The following DPP6 variants were observed in gnomAD, a reference collection of about 807,000 sequenced individuals.
The protein encoded by DPP6 is A-type potassium channel modulatory protein DPP6.
Under a neutral mutation model 122.6 loss-of-function variants are expected in DPP6, and 69 were observed. The ratio of observed to expected loss-of-function variants is 0.56; its 90% CI spans 0.46 to 0.69. The LOEUF (loss-of-function observed/expected upper bound fraction) is 0.69, where lower values mean the gene tolerates loss of function less well. Ranked by LOEUF, DPP6 falls within the 30% of genes least tolerant of loss-of-function variation. The probability of loss-of-function intolerance (pLI) is 0.00; values close to 1 mark genes in which losing one functional copy is unlikely to be tolerated. For synonymous variants in DPP6, 418 were observed against 433.1 expected (o/e 0.97, Z 0.43); for missense variants, 928 against 1,116.9 (o/e 0.83, Z 2.41).
At chr7:154,888,614 A>G (rs928315281) in intron 23 of DPP6, among the ~76,000 whole-genome samples, 1 of 152,208 alleles carries the variant, frequency 6.6e-6, no homozygotes, top group Non-Finnish European at 1.5e-5. Flanking sequence ...AGGTGAAATG[A>G]TGGCCCTCTA....
At chr7:154,061,670 C>G (rs1439850258) in intron 1 of DPP6, among the ~76,000 whole-genome samples, 3 of 134,478 alleles carry the variant, frequency 2.2e-5, no homozygotes, top group Non-Finnish European at 4.9e-5. Flanking sequence ...CCCCTCTTCC[C>G]CCCCTGGCTC....
Position 154,833,956 on chromosome 7 carries a change from A to C in DPP6, c.1667-19824A>C, listed in dbSNP as rs1473062217. On this transcript the variant is annotated intron_variant, in intron 16 of 25. Coordinates refer to ENST00000377770, the MANE Select transcript of DPP6 (RefSeq NM_130797.4). The surrounding 1 kb of genome is among the most constrained non-coding windows in gnomAD (Gnocchi z 4.3). Reference sequence around the variant, plus strand: ...GGCTGCACGGATGTAGCTCATCTTCACGCAGACAAGAATAAGGACGCCTGT... The same window carrying C: ...GGCTGCACGGATGTAGCTCATCTTCCCGCAGACAAGAATAAGGACGCCTGT... Among the ~76,000 whole-genome samples, 2 of 152,158 alleles carry C rather than the reference A, an allele frequency of 1.3e-5. No individual in the cohort carries two copies. Among genetic ancestry groups the C allele is most frequent in the African/African-American group, 4.8e-5 (2 of 41,436 alleles).
intron 3 of DPP6, among the ~76,000 whole-genome samples, chr7:154,515,679 G>A (rs1281417018): frequency 2.0e-5 from 3 of 152,076 alleles, no homozygotes; most frequent in South Asian, 4.1e-4. Flanking sequence ...GTGTTTCACC[G>A]TGTTAGCCAG....
intron 1 of DPP6, among the ~76,000 whole-genome samples, chr7:154,137,631 G>T (rs1176948780): frequency 8.7e-6 from 1 of 114,338 alleles, no homozygotes; most frequent in Admixed American, 8.5e-5. Flanking sequence ...GAAGCAGCAG[G>T]AGGAGATGGT....
the DPP6 span, among the ~76,000 whole-genome samples, chr7:153,828,257 G>T: frequency 6.6e-6 from 1 of 152,330 alleles, no homozygotes; most frequent in African/African-American, 2.4e-5. Context: ...TAGGGCAGTG[G>T]AGGGAGACAG....
chr7:154,520,406 C>T (rs1048780353), intron 3 of DPP6, among the ~76,000 whole-genome samples: 1 of 152,240 alleles, frequency 6.6e-6, no homozygotes, highest in African/African-American at 2.4e-5. Flanking sequence ...ATGCTCTATC[C>T]CTTTCAGGAC....
At chr7:154,333,309 T>TTAATG (rs1198213907) in intron 1 of DPP6, among the ~76,000 whole-genome samples, 8 of 152,160 alleles carry the variant, frequency 5.3e-5, no homozygotes, top group Non-Finnish European at 1.0e-4. Context: ...CAGGCAGTCT[T>TTAATG]TAATGTGAAA....
At chr7:154,150,936 G>A (rs963592863) in intron 1 of DPP6, among the ~76,000 whole-genome samples, 7 of 152,114 alleles carry the variant, frequency 4.6e-5, no homozygotes, top group South Asian at 2.1e-4. Flanking sequence ...TGGCAAGGTC[G>A]CCTGTCTCCC....
At chr7:154,826,567 G>A (rs1800158828) in intron 16 of DPP6, among the ~76,000 whole-genome samples, 1 of 152,178 alleles carries the variant, frequency 6.6e-6, no homozygotes, top group African/African-American at 2.4e-5. Flanking sequence ...AATCGAGAGG[G>A]TTTCTATGTG....
chr7:153,794,962 A>T, the DPP6 span, among the ~76,000 whole-genome samples: 1 of 152,278 alleles, frequency 6.6e-6, no homozygotes, highest in Admixed American at 6.5e-5. Context: ...ATGTGGAACT[A>T]TAAGTCCAAT....
intron 17 of DPP6, among the ~76,000 whole-genome samples, chr7:154,860,970 G>T (rs1044312929): frequency 6.9e-5 from 9 of 131,206 alleles, no homozygotes; most frequent in African/African-American, 3.5e-4. Flanking sequence ...GACTAAAAAT[G>T]TAAAAAGATG....
intron 1 of DPP6, among the ~76,000 whole-genome samples, chr7:154,436,269 A>G (rs111696800): frequency 0.012 from 1,875 of 151,140 alleles, 33 homozygotes; most frequent in African/African-American, 0.043. Flanking sequence ...GTAGCCACAC[A>G]TGCACCAGGT....
At chr7:154,060,570 C>A (rs1192947323) in intron 1 of DPP6, among the ~76,000 whole-genome samples, 1 of 136,780 alleles carries the variant, frequency 7.3e-6, no homozygotes, top group African/African-American at 2.9e-5. Flanking sequence ...ACGGCAGGTA[C>A]CTTACGTGGG....
intron 1 of DPP6, among the ~76,000 whole-genome samples, chr7:154,029,389 C>T (rs1216237849): frequency 4.0e-5 from 6 of 151,480 alleles, no homozygotes; most frequent in African/African-American, 9.7e-5. Flanking sequence ...CGGTGGCGGG[C>T]GCCTGTAGTC....
chr7:154,275,638 AGCC>A (rs1363463686), intron 1 of DPP6, among the ~76,000 whole-genome samples: 1 of 152,228 alleles, frequency 6.6e-6, no homozygotes, highest in African/African-American at 2.4e-5. Context: ...GTATGCCAGG[AGCC>A]TGGGAGTCTG....
At chr7:154,668,383 A>G (rs531713921) in intron 6 of DPP6, among the ~76,000 whole-genome samples, 1 of 150,196 alleles carries the variant, frequency 6.7e-6, no homozygotes, top group Non-Finnish European at 1.5e-5. Context: ...ACCGCGCCCG[A>G]CTAATTTTTT....
chr7:154,549,538 T>C (rs1381491732), intron 4 of DPP6, among the ~76,000 whole-genome samples: 1 of 152,200 alleles, frequency 6.6e-6, no homozygotes, highest in Non-Finnish European at 1.5e-5. Flanking sequence ...CTTCCCCAGG[T>C]GACTTAATTT....
intron 1 of DPP6, among the ~76,000 whole-genome samples, chr7:154,172,005 A>T (rs1797556644): frequency 6.6e-6 from 1 of 152,168 alleles, no homozygotes. Flanking sequence ...TGGGATGCAG[A>T]GAGGTGATCT....
At chr7:154,780,191 G>A (rs1796935652) in intron 10 of DPP6, among the ~76,000 whole-genome samples, 1 of 152,216 alleles carries the variant, frequency 6.6e-6, no homozygotes, top group Non-Finnish European at 1.5e-5. Context: ...GGGTAATGGA[G>A]AAGCTCCAGA....
Sources: allele counts gnomAD v4.1 joint callset (sites outside exome capture counted in the v4.1 genomes callset), GRCh38; gene constraint gnomAD v4.1.1; non-coding constraint Gnocchi (gnomAD v3.1); transcripts MANE v1.5; gene names NCBI Gene and HGNC (gene_info 2026-07-23, HGNC 2026-07-21).